The following CHRM3 variants were observed in gnomAD, a reference collection of about 807,000 sequenced individuals.
The protein encoded by CHRM3 is cholinergic receptor muscarinic 3.
A neutral mutation model predicts 41.8 loss-of-function variants in CHRM3; 11 were observed. The ratio of observed to expected loss-of-function variants is 0.26; its 90% CI spans 0.17 to 0.44. CHRM3 has a LOEUF of 0.44. Among genes scored for constraint, CHRM3 ranks in the 20% least tolerant of loss-of-function variants. The pLI is 1.00. For missense variants in CHRM3, 571 were observed against 745.4 expected (o/e 0.77, Z 2.72); for synonymous variants, 297 against 301.4 (o/e 0.99, Z 0.15).
At chr1:239,906,624 C>A (rs1679984876) in intron 6 of CHRM3, among the ~76,000 whole-genome samples, 1 of 152,150 alleles carries the variant, frequency 6.6e-6, no homozygotes, top group Non-Finnish European at 1.5e-5. Flanking sequence ...GCACTAGTTG[C>A]AGTTTTGCAG....
At chr1:239,702,582 C>T (rs1265726303) in intron 5 of CHRM3, among the ~76,000 whole-genome samples, 1 of 152,210 alleles carries the variant, frequency 6.6e-6, no homozygotes, top group African/African-American at 2.4e-5. Context: ...CTACCATTTA[C>T]AAAAAGAAAA....
chr1:239,617,421 G>A (rs1345317989), intron 3 of CHRM3, among the ~76,000 whole-genome samples: 2 of 152,124 alleles, frequency 1.3e-5, no homozygotes, highest in Non-Finnish European at 2.9e-5. Flanking sequence ...ACTCTCTACA[G>A]TACCAGCAAG....
intron 3 of CHRM3, among the ~76,000 whole-genome samples, chr1:239,580,704 T>TATATATATATATACACACACACACAC (rs570878631): frequency 7.6e-6 from 1 of 131,068 alleles, no homozygotes; most frequent in African/African-American, 2.9e-5. Flanking sequence ...TATATATATA[T>TATATATATATATACACACACACACAC]ACACACACAC....
Position 239,844,215 on chromosome 1 carries a change from C to T in CHRM3, c.-20+16837C>T, listed in dbSNP as rs751520830. Among the ~76,000 whole-genome samples, 31 of 152,250 alleles carry T rather than the reference C, an allele frequency of 2.0e-4. No individual in the cohort carries two copies. The Middle Eastern group carries it at 0.01, about 50-fold the overall frequency. On this transcript the variant is annotated intron_variant, in intron 6 of 6. Coordinates refer to ENST00000676153, the MANE Select transcript of CHRM3 (RefSeq NM_001375978.1). ...ATTTTGTATCCTTTGATCAACATCT[C>T]CCCACCTTCACCCCACCACCCACCA...
At chr1:239,836,728 G>A (rs528121778) in intron 6 of CHRM3, among the ~76,000 whole-genome samples, 2 of 152,162 alleles carry the variant, frequency 1.3e-5, no homozygotes, top group South Asian at 2.1e-4. Flanking sequence ...CTGTAATCTC[G>A]GCACTTTGGG....
At chr1:239,591,195 G>T (rs1664109868) in intron 3 of CHRM3, among the ~76,000 whole-genome samples, 1 of 152,160 alleles carries the variant, frequency 6.6e-6, no homozygotes, top group Non-Finnish European at 1.5e-5. Flanking sequence ...CTTCCTCATT[G>T]TAGTTGGTGA....
At chr1:239,419,604 G>A (rs894305853) in intron 1 of CHRM3, among the ~76,000 whole-genome samples, 3 of 152,078 alleles carry the variant, frequency 2.0e-5, no homozygotes, top group Non-Finnish European at 4.4e-5. Flanking sequence ...ATAAAAGAGG[G>A]CTCAGACCGT....
intron 5 of CHRM3, among the ~76,000 whole-genome samples, chr1:239,743,651 G>A (rs890233410): frequency 3.3e-5 from 5 of 152,086 alleles, no homozygotes; most frequent in African/African-American, 9.7e-5. Flanking sequence ...GATCCAGTAT[G>A]TGTGAATTAC....
At chr1:239,404,410 A>AAGAAAGAAAGAAAGAAAGAAAGAAAGAG (rs1210507333) in intron 1 of CHRM3, among the ~76,000 whole-genome samples, 2 of 51,754 alleles carry the variant, frequency 3.9e-5, no homozygotes, top group African/African-American at 1.3e-4. Context: ...GAAAGAAAGA[A>AAGAAAGAAAGAAAGAAAGAAAGAAAGAG]AAAGAAAGAA....
At chr1:239,866,460 C>T (rs1003251865) in intron 6 of CHRM3, among the ~76,000 whole-genome samples, 1 of 151,956 alleles carries the variant, frequency 6.6e-6, no homozygotes, top group African/African-American at 2.4e-5. Flanking sequence ...ATCCTAGATT[C>T]ACCAGACACA....
In CHRM3 at chr1:239,577,543, G is replaced by T. The variant is rs576828438; in HGVS notation, c.-313+31794G>T. On this transcript the variant is annotated intron_variant, in intron 3 of 6. Transcript: ENST00000676153. ...AACAAATGTTTCACTACCATGCACT[G>T]TCCCCTCTTCTGCCTCGCAGGAGCA... Among the ~76,000 whole-genome samples, 4 of 152,262 alleles carry T rather than the reference G, an allele frequency of 2.6e-5. No individual in the cohort carries two copies. The South Asian group carries it at 8.3e-4, about 32-fold the overall frequency.
chr1:239,789,891 T>C (rs1207382427), intron 5 of CHRM3, among the ~76,000 whole-genome samples: 1 of 152,154 alleles, frequency 6.6e-6, no homozygotes, highest in East Asian at 1.9e-4. Flanking sequence ...CATTAGTCTT[T>C]TGAAGAATAG....
chr1:239,796,144 G>C (rs1183057084), intron 5 of CHRM3, among the ~76,000 whole-genome samples: 1 of 152,080 alleles, frequency 6.6e-6, no homozygotes, highest in African/African-American at 2.4e-5. Flanking sequence ...TACATACCTA[G>C]ATGGGGTCTT....
intron 2 of CHRM3, among the ~76,000 whole-genome samples, chr1:239,503,141 G>C (rs773163708): frequency 1.1e-4 from 17 of 152,106 alleles, no homozygotes; most frequent in Non-Finnish European, 2.2e-4. Context: ...TTGAAGATAT[G>C]ATCATTTACC....
chr1:239,760,064 G>A (rs931198062), intron 5 of CHRM3, among the ~76,000 whole-genome samples: 29 of 147,890 alleles, frequency 2.0e-4, no homozygotes, highest in East Asian at 1.6e-3. Context: ...ACAGGCACCC[G>A]CCACCACACC....
intron 5 of CHRM3, among the ~76,000 whole-genome samples, chr1:239,737,748 A>C (rs1664506547): frequency 6.6e-6 from 1 of 152,150 alleles, no homozygotes; most frequent in South Asian, 2.1e-4. Flanking sequence ...TTCAAGGAGT[A>C]GGTGACCCAG....
In CHRM3 at chr1:239,726,387, A is replaced by G. The variant is rs114682854; in HGVS notation, c.-147+48099A>G. 1.8e-3 allele frequency among the ~76,000 whole-genome samples: 269 copies of G among 152,024 alleles called. 2 individuals carry two copies. Among genetic ancestry groups the G allele is most frequent in the African/African-American group, 6.3e-3 (263 of 41,516 alleles). On this transcript the variant is annotated intron_variant, in intron 5 of 6. Transcript: ENST00000676153. ...AATGTGCCATATGTTACAAAACTAG[A>G]TTCTATTTATTGATCATTTAGTTTT... is the stretch of plus-strand genomic sequence containing the variant.
At chr1:239,489,715 A>G (rs1667438132) in intron 1 of CHRM3, among the ~76,000 whole-genome samples, 1 of 152,178 alleles carries the variant, frequency 6.6e-6, no homozygotes. Flanking sequence ...AATAACTTGC[A>G]ATTAGGCCAT....
intron 5 of CHRM3, among the ~76,000 whole-genome samples, chr1:239,790,194 G>T (rs1669228817): frequency 6.6e-6 from 1 of 152,142 alleles, no homozygotes; most frequent in Non-Finnish European, 1.5e-5. Context: ...TGGACTTTCG[G>T]GTTAATGCAG....
Sources: allele counts gnomAD v4.1 joint callset (sites outside exome capture counted in the v4.1 genomes callset), GRCh38; gene constraint gnomAD v4.1.1; transcripts MANE v1.5; gene names NCBI Gene and HGNC (gene_info 2026-07-23, HGNC 2026-07-21).